Variants in FUT8 observed in about 807,000 individuals in gnomAD.
FUT8 encodes alpha-(1,6)-fucosyltransferase.
A neutral mutation model predicts 71.3 loss-of-function variants in FUT8; 29 were observed. The observed-to-expected ratio is 0.41, with a 90% CI of 0.30 to 0.55. FUT8 has a LOEUF of 0.55. FUT8 is among the 20% of genes least tolerant of loss of function. The pLI, the probability that FUT8 is intolerant of heterozygous loss-of-function variation, is 0.34. For synonymous variants in FUT8, 254 were observed against 239.3 expected (o/e 1.06, Z -0.57); for missense variants, 544 against 702.1 (o/e 0.77, Z 2.55).
intron 9 of FUT8, among the ~76,000 whole-genome samples, chr14:65,728,896 T>C (rs1895816918): frequency 6.6e-6 from 1 of 152,190 alleles, no homozygotes; most frequent in Admixed American, 6.5e-5. Context: ...TGCCTAATGA[T>C]GTATTTCTCA....
At chr14:65,425,871 G>A (rs554879245) in intron 1 of FUT8, among the ~76,000 whole-genome samples, 1 of 151,994 alleles carries the variant, frequency 6.6e-6, no homozygotes, top group Admixed American at 6.6e-5. Flanking sequence ...TAGGTATTTG[G>A]GAGTCTGAGG....
At chr14:65,632,993 C>T (rs1167921700) in intron 6 of FUT8, among the ~76,000 whole-genome samples, 5 of 135,796 alleles carry the variant, frequency 3.7e-5, no homozygotes, top group Non-Finnish European at 6.1e-5. Flanking sequence ...TCTCCCCTCT[C>T]CCCTCTCCCC....
chr14:65,461,086 A>G (rs1047461784), intron 2 of FUT8, among the ~76,000 whole-genome samples: 1 of 152,156 alleles, frequency 6.6e-6, no homozygotes, highest in African/African-American at 2.4e-5. Flanking sequence ...TTATTCTTTC[A>G]GTTTTGGAGG....
At chr14:65,673,986 A>G (rs1775208570) in intron 7 of FUT8, among the ~76,000 whole-genome samples, 1 of 152,190 alleles carries the variant, frequency 6.6e-6, no homozygotes, top group Non-Finnish European at 1.5e-5. Flanking sequence ...TAACCTTTAC[A>G]AAACTACTAA....
chr14:65,625,118 C>T (rs1327606701), intron 5 of FUT8, among the ~76,000 whole-genome samples: 1 of 151,144 alleles, frequency 6.6e-6, no homozygotes, highest in Non-Finnish European at 1.5e-5. Context: ...AGACTTGCAA[C>T]AAGTTTTGTG....
At chr14:65,576,696 CTTTTTTTT>C (rs376473739) in intron 3 of FUT8, among the ~76,000 whole-genome samples, 10 of 96,206 alleles carry the variant, frequency 1.0e-4, no homozygotes, top group African/African-American at 4.4e-4. Context: ...GCCCAGCTTG[CTTTTTTTT>C]TTTTTTTTTT....
At chr14:65,531,736 C>T (rs1388694653) in intron 2 of FUT8, among the ~76,000 whole-genome samples, 1 of 152,028 alleles carries the variant, frequency 6.6e-6, no homozygotes, top group African/African-American at 2.4e-5. Flanking sequence ...AGCCTAGTAC[C>T]CAATAGTTAT....
chr14:65,447,918 T>C (rs751410420), intron 1 of FUT8, among the ~76,000 whole-genome samples: 1 of 152,176 alleles, frequency 6.6e-6, no homozygotes, highest in African/African-American at 2.4e-5. Context: ...CCAGAATGTG[T>C]TTCTTGAAAG....
chr14:65,388,569 C>T, the FUT8 span, among the ~76,000 whole-genome samples: 1 of 152,188 alleles, frequency 6.6e-6, no homozygotes, highest in South Asian at 2.1e-4. Context: ...CAAGACTAGC[C>T]TGGGCAACAT....
chr14:65,505,655 T>C (rs1018643275), intron 2 of FUT8, among the ~76,000 whole-genome samples: 1 of 152,166 alleles, frequency 6.6e-6, no homozygotes, highest in Non-Finnish European at 1.5e-5. Flanking sequence ...GTTTCAGGAA[T>C]TTGAGGTTTC....
rs553301527 is a variant in FUT8 at position 65,588,669 on chromosome 14, G to A, written c.203+26903G>A. Reference sequence around the variant, plus strand: ...CCCTTTATCCATGGTTTTGCTTTCTGCAGTTTCAGTATACACAGTCAACTG... The same window carrying A: ...CCCTTTATCCATGGTTTTGCTTTCTACAGTTTCAGTATACACAGTCAACTG... On this transcript the variant is annotated intron_variant, in intron 3 of 10. Coordinates refer to ENST00000673929, the MANE Select transcript of FUT8 (RefSeq NM_001371533.1). Among the ~76,000 whole-genome samples, 33 of 152,132 alleles carry A rather than the reference G, an allele frequency of 2.2e-4. No homozygotes were observed. The South Asian group carries it at 6.7e-3, about 31-fold the overall frequency.
chr14:65,555,300 G>A (rs780326119), intron 2 of FUT8, among the ~76,000 whole-genome samples: 2 of 151,978 alleles, frequency 1.3e-5, no homozygotes, highest in South Asian at 2.1e-4. Flanking sequence ...TTTCTCTGTG[G>A]TATTTTTATT....
In FUT8 at chr14:65,660,717, A is replaced by G. The variant is rs1176923471; in HGVS notation, c.598-8526A>G. The stretch of plus-strand genomic sequence containing the variant: ...TGCTATGGAAATATTCTTGTTTAAT[A>G]TGTTAAGGGACAATAATTTCTGGTC... On this transcript the variant is annotated intron_variant, in intron 6 of 10. Transcript: ENST00000673929. The surrounding 1 kb of genome is among the most constrained non-coding windows in gnomAD (Gnocchi z 4.1). 6.6e-6 allele frequency among the ~76,000 whole-genome samples: 1 copy of G among 152,198 alleles called. No individual in the cohort carries two copies. The highest frequency in any genetic ancestry group is 1.5e-5 in the Non-Finnish European group (1 of 68,030).
At chr14:65,447,599 A>ACC (rs2065762560) in intron 1 of FUT8, among the ~76,000 whole-genome samples, 1 of 151,958 alleles carries the variant, frequency 6.6e-6, no homozygotes, top group Admixed American at 6.5e-5. Context: ...ATTTTTTTCA[A>ACC]ATGGTATCTT....
At chr14:65,553,544 ACTC>A (rs1885410042) in intron 2 of FUT8, among the ~76,000 whole-genome samples, 2 of 151,544 alleles carry the variant, frequency 1.3e-5, no homozygotes, top group South Asian at 2.1e-4. Context: ...CTGGTATCAT[ACTC>A]CTCCTTGAAA....
chr14:65,610,824 T>G (rs894387976), intron 3 of FUT8, among the ~76,000 whole-genome samples: 1 of 151,974 alleles, frequency 6.6e-6, no homozygotes, highest in African/African-American at 2.4e-5. Flanking sequence ...TTGATTTATT[T>G]TTTAATGCTA....
chr14:65,392,143 G>A, the FUT8 span, among the ~76,000 whole-genome samples: 1 of 151,832 alleles, frequency 6.6e-6, no homozygotes, highest in South Asian at 2.1e-4. Flanking sequence ...TGTTGGTCAG[G>A]CTGGTCTCAA....
intron 7 of FUT8, among the ~76,000 whole-genome samples, chr14:65,672,876 G>A (rs1892535977): frequency 6.6e-6 from 1 of 152,102 alleles, no homozygotes; most frequent in Non-Finnish European, 1.5e-5. Context: ...AGATGATTTA[G>A]TGATAGAGAA....
chr14:65,496,679 C>T (rs1359479853), intron 2 of FUT8, among the ~76,000 whole-genome samples: 1 of 152,154 alleles, frequency 6.6e-6, no homozygotes, highest in African/African-American at 2.4e-5. Flanking sequence ...CCATGCAGAA[C>T]TGTGAGTCAA....
Sources: gnomAD v4.1 joint callset for allele counts (sites outside exome capture counted in the v4.1 genomes callset) on GRCh38, gnomAD v4.1.1 for gene constraint, Gnocchi (gnomAD v3.1) non-coding constraint, MANE v1.5 for transcripts, NCBI Gene and HGNC (gene_info 2026-07-23, HGNC 2026-07-21) for gene names.